The following LRRK1 variants were observed in gnomAD, a reference collection of about 807,000 sequenced individuals.
LRRK1 encodes the protein leucine-rich repeat serine/threonine-protein kinase 1.
In LRRK1, 113 loss-of-function variants were observed where a neutral mutation model predicts 209.1. The observed-to-expected ratio is 0.54, with a 90% CI of 0.46 to 0.63. LRRK1 has a LOEUF of 0.63. Ranked by LOEUF, LRRK1 falls within the 30% of genes least tolerant of loss-of-function variation. The probability of loss-of-function intolerance (pLI) is 0.00; values close to 1 mark genes in which losing one functional copy is unlikely to be tolerated. For missense variants in LRRK1, 2,284 were observed against 2,632.2 expected (o/e 0.87, Z 2.89); for synonymous variants, 1,144 against 1,099.7 (o/e 1.04, Z -0.80).
At chr15:100,993,314 T>G (rs2032246120) in intron 6 of LRRK1, among the ~76,000 whole-genome samples, 1 of 152,182 alleles carries the variant, frequency 6.6e-6, no homozygotes, top group Admixed American at 6.5e-5. Context: ...TAGCTTTCTT[T>G]ATCAGAGCCT....
At chr15:100,924,835 C>A in intron 2 of LRRK1, 106 bp downstream of exon 2, 1 of 731,278 alleles carries the variant, frequency 1.4e-6, no homozygotes, top group South Asian at 1.8e-5. Context: ...CAGTGGAAAT[C>A]AAATGTCCAT....
In LRRK1 at chr15:101,076,417, T is replaced by G; in HGVS notation, c.*7569T>G. On this transcript the variant is annotated 3_prime_UTR_variant, in exon 34 of 34. Coordinates refer to ENST00000388948, the MANE Select transcript of LRRK1 (RefSeq NM_024652.6). ...ATCCAGCCTCCCACATTATTCCTGA[T>G]ACCACACCTGACCCCCATGACTGCA... 1 of 151,970 alleles carries G rather than the reference T, an allele frequency of 6.6e-6. No individual in the cohort carries two copies. The highest frequency in any genetic ancestry group is 2.4e-5 in the African/African-American group (1 of 41,216). The allele number at this position is 151,970 out of a possible 1,614,324, so 9.4% of individuals were successfully genotyped here.
intron 20 of LRRK1, among the ~76,000 whole-genome samples, chr15:101,031,470 A>C (rs1220644550): frequency 6.6e-6 from 1 of 152,184 alleles, no homozygotes; most frequent in Non-Finnish European, 1.5e-5. Flanking sequence ...GTAGTATTCC[A>C]TTGTATGGCT....
intron 2 of LRRK1, among the ~76,000 whole-genome samples, chr15:100,944,943 A>G (rs1247524724): frequency 1.2e-4 from 18 of 152,208 alleles, no homozygotes; most frequent in Admixed American, 1.1e-3. Context: ...CCTCTTTTAC[A>G]CAAAATGTAG....
intron 2 of LRRK1, among the ~76,000 whole-genome samples, chr15:100,966,716 G>T (rs1338885537): frequency 3.3e-5 from 5 of 152,214 alleles, no homozygotes; most frequent in African/African-American, 1.2e-4. Context: ...TGGATATGGT[G>T]TCACCCTGCA....
In LRRK1 at chr15:101,076,858, G is replaced by C. The variant is rs952136529; in HGVS notation, c.*8010G>C. ...TGGATAGGTAGAGGCCTTTCCTACA[G>C]GGTCTGAGAAGGCCACCATGGTCAT... is the stretch of plus-strand genomic sequence containing the variant. On this transcript the variant is annotated 3_prime_UTR_variant, in exon 34 of 34. Coordinates refer to ENST00000388948, the MANE Select transcript of LRRK1 (RefSeq NM_024652.6). 6.6e-6 allele frequency: 1 copy of C among 152,218 alleles called. No homozygotes were observed. Among genetic ancestry groups the C allele is most frequent in the Non-Finnish European group, 1.5e-5 (1 of 68,044 alleles). 9.4% of individuals were successfully genotyped at this position (152,218 alleles called of 1,614,324 possible). A position where few individuals can be genotyped will look rare whatever the true frequency, so the allele number is the denominator to read the frequency against.
At chr15:100,985,554 C>T (rs1233853520) in intron 4 of LRRK1, among the ~76,000 whole-genome samples, 1 of 152,108 alleles carries the variant, frequency 6.6e-6, no homozygotes. Context: ...CATCAGGGGG[C>T]AGGGTAGGGT....
At chr15:100,974,052 C>CA in intron 3 of LRRK1, 85 bp downstream of exon 3, 4 of 1,119,816 alleles carry the variant, frequency 3.6e-6, no homozygotes, top group Non-Finnish European at 4.5e-6. Flanking sequence ...TCGTTATTGT[C>CA]ATAACGGTAA....
At chr15:101,003,858 C>T (rs987199806) in intron 6 of LRRK1, among the ~76,000 whole-genome samples, 1 of 152,132 alleles carries the variant, frequency 6.6e-6, no homozygotes, top group Admixed American at 6.5e-5. Flanking sequence ...CATCTTGGCC[C>T]CTTTGGTCAC....
chr15:101,055,369 G>A, intron 27 of LRRK1, 146 bp downstream of exon 27: 1 of 792,176 alleles, frequency 1.3e-6, no homozygotes, highest in Non-Finnish European at 1.8e-6. Flanking sequence ...CAATGAGGGA[G>A]GTTCTGGCTT....
intron 6 of LRRK1, among the ~76,000 whole-genome samples, chr15:100,990,277 A>G (rs2032089423): frequency 6.6e-6 from 1 of 152,214 alleles, no homozygotes; most frequent in Non-Finnish European, 1.5e-5. Context: ...CTTTAAATAC[A>G]TAGAGCCAGT....
rs544219357 is a variant in LRRK1, at chr15:101,053,335, C to T, written c.3969C>T (p.Ile1323=). Residue 1323 remains isoleucine, a synonymous_variant, in exon 26 of 34, where the codon ATC becomes ATT. Coordinates refer to ENST00000388948, the MANE Select transcript of LRRK1 (RefSeq NM_024652.6). ...AGCACCCCTGCATCGTGGCGCTCATCGGCATCAGCATCCACCCGCTCTGCT... is the reference window on the plus strand; with the variant it reads ...AGCACCCCTGCATCGTGGCGCTCATTGGCATCAGCATCCACCCGCTCTGCT... ...ALQHPCIVAL[I]GISIHPLCFA... 10 of 1,604,094 alleles carry T rather than the reference C, an allele frequency of 6.2e-6. No homozygotes were observed. Among genetic ancestry groups the T allele is most frequent in the African/African-American group, 5.3e-5 (4 of 75,068 alleles).
At chr15:101,032,227 T>C (rs759851138) in intron 20 of LRRK1, among the ~76,000 whole-genome samples, 4 of 152,242 alleles carry the variant, frequency 2.6e-5, no homozygotes, top group Non-Finnish European at 4.4e-5. Flanking sequence ...TATTTTATGA[T>C]TAGAATGTTT....
At chr15:101,038,460 G>C (rs1024214432) in intron 20 of LRRK1, among the ~76,000 whole-genome samples, 5 of 152,204 alleles carry the variant, frequency 3.3e-5, no homozygotes, top group Non-Finnish European at 7.3e-5. Context: ...CCTCCGAGCA[G>C]TGCCATTGCA....
At chr15:100,957,879 T>C (rs1157852753) in intron 2 of LRRK1, among the ~76,000 whole-genome samples, 1 of 152,272 alleles carries the variant, frequency 6.6e-6, no homozygotes, top group African/African-American at 2.4e-5. Flanking sequence ...GTTGTTGTTG[T>C]TGCTGAGACG....
chr15:100,929,346 C>G (rs990402115), intron 2 of LRRK1, among the ~76,000 whole-genome samples: 1 of 152,136 alleles, frequency 6.6e-6, no homozygotes, highest in Non-Finnish European at 1.5e-5. Context: ...CCTCTCAGAG[C>G]ACTGCCCACC....
chr15:101,029,238 G>T lies in LRRK1; in HGVS notation c.2963+6G>T, dbSNP rs1386167350. 6.2e-7 allele frequency: 1 copy of T among 1,606,566 alleles called. No individual in the cohort carries two copies. The highest frequency in any genetic ancestry group is 1.3e-5 in the African/African-American group (1 of 74,730). On this transcript the variant is annotated splice_donor_region_variant and intron_variant, in intron 20 of 33. Coordinates refer to ENST00000388948, the MANE Select transcript of LRRK1 (RefSeq NM_024652.6). ...CTGCCCGTCGCCAATGACAGGTGAG[G>T]ACACAACTTAACACGCCAGGCTGTG...
In LRRK1 at chr15:101,010,506, T is replaced by C; in HGVS notation, c.1046T>C (p.Leu349Ser). 1.2e-6 allele frequency: 2 copies of C among 1,612,872 alleles called. No homozygotes were observed. The highest frequency in any genetic ancestry group is 1.7e-6 in the Non-Finnish European group (2 of 1,179,698). The change falls in exon 8 of 34, where the codon TTG becomes TCG. Residue 349 changes from leucine to serine, a missense_variant. Leu to Ser is a moderately radical substitution (Grantham distance 145). Transcript: ENST00000388948. ...TTGTCCCACCTCCCTCCTGGATTCTTGCACCTCTCAAAACTTCAAAAACTG... is the reference window on the plus strand; with the variant it reads ...TTGTCCCACCTCCCTCCTGGATTCTCGCACCTCTCAAAACTTCAAAAACTG... ...NKLSHLPPGFLHLSKLQKLTA... is the reference protein window; with the variant it reads ...NKLSHLPPGFSHLSKLQKLTA...
At chr15:101,023,278 C>T (rs557548428) in intron 15 of LRRK1, among the ~76,000 whole-genome samples, 3 of 152,042 alleles carry the variant, frequency 2.0e-5, no homozygotes, top group Non-Finnish European at 4.4e-5. Context: ...TGCAGTGAGC[C>T]GAGATCATGC....
Sources: gnomAD v4.1 joint callset for allele counts (sites outside exome capture counted in the v4.1 genomes callset) on GRCh38, gnomAD v4.1.1 for gene constraint, MANE v1.5 for transcripts, NCBI Gene and HGNC (gene_info 2026-07-23, HGNC 2026-07-21) for gene names.